STAC: variants seen among roughly 807,000 people sequenced by gnomAD.
The protein encoded by STAC is SH3 and cysteine-rich domain-containing protein.
STAC carries 43 observed loss-of-function variants against 48.8 expected under a neutral mutation model. That is an observed-to-expected ratio of 0.88 (90% CI 0.69 to 1.14). STAC has a LOEUF of 1.14. Among genes scored for constraint, STAC ranks in the 50% most tolerant of loss-of-function variants. The pLI is 0.00. For synonymous variants in STAC, 193 were observed against 179.5 expected (o/e 1.07, Z -0.60); for missense variants, 497 against 504.0 (o/e 0.99, Z 0.13).
chr3:36,541,763 A>G (rs1021794388), intron 10 of STAC, among the ~76,000 whole-genome samples: 1 of 152,194 alleles, frequency 6.6e-6, no homozygotes, highest in African/African-American at 2.4e-5. Flanking sequence ...GGAGCTGGCC[A>G]TAGCTGAGCT....
At chr3:36,533,983 A>T (rs916495831) in intron 10 of STAC, among the ~76,000 whole-genome samples, 1 of 152,182 alleles carries the variant, frequency 6.6e-6, no homozygotes, top group Non-Finnish European at 1.5e-5. Context: ...TCAATTTTTT[A>T]AATACATCAG....
intron 5 of STAC, among the ~76,000 whole-genome samples, chr3:36,487,040 C>G (rs938350407): frequency 6.6e-6 from 1 of 152,220 alleles, no homozygotes; most frequent in Non-Finnish European, 1.5e-5. Flanking sequence ...AGGCAAGACA[C>G]AGATGAGCCT....
chr3:36,437,520 G>A (rs548477300), intron 1 of STAC, among the ~76,000 whole-genome samples: 8 of 150,132 alleles, frequency 5.3e-5, no homozygotes, highest in South Asian at 4.2e-4. Flanking sequence ...GTAAACTACC[G>A]CAAGGACAAA....
At chr3:36,536,167 G>A (rs1247859976) in intron 10 of STAC, among the ~76,000 whole-genome samples, 3 of 151,876 alleles carry the variant, frequency 2.0e-5, no homozygotes, top group African/African-American at 4.8e-5. Flanking sequence ...GTCTATTCAG[G>A]GATTCAACTT....
intron 2 of STAC, among the ~76,000 whole-genome samples, chr3:36,465,238 T>C (rs1407152137): frequency 2.0e-5 from 3 of 152,262 alleles, no homozygotes; most frequent in Admixed American, 2.0e-4. Flanking sequence ...TTTCATATGT[T>C]TGTTGGCCAT....
intron 2 of STAC, among the ~76,000 whole-genome samples, chr3:36,468,750 A>ATATGTATATATATATAAAATACATATATG (rs1285415295): frequency 6.9e-6 from 1 of 145,526 alleles, no homozygotes; most frequent in Non-Finnish European, 1.5e-5. Context: ...AAATACATAT[A>ATATGTATATATATATAAAATACATATATG]TGTGTGTGTG....
In STAC at chr3:36,546,640, C is replaced by T; in HGVS notation, c.*351C>T. The stretch of plus-strand genomic sequence containing the variant: ...ACACACTGGAGTGTGCTCCAGTTTG[C>T]AGGGTAGCCCAGTGCAAGGTTCAGA... On this transcript the variant is annotated 3_prime_UTR_variant, in exon 11 of 11. Transcript: ENST00000273183. 1 of 308,152 alleles carries T rather than the reference C, an allele frequency of 3.2e-6. No homozygotes were observed. Among genetic ancestry groups the T allele is most frequent in the Admixed American group, 4.3e-5 (1 of 23,244 alleles). 19.1% of individuals were successfully genotyped at this position (308,152 alleles called of 1,614,324 possible). A position where few individuals can be genotyped will look rare whatever the true frequency, so the allele number is the denominator to read the frequency against.
intron 1 of STAC, among the ~76,000 whole-genome samples, chr3:36,402,855 G>T (rs959709988): frequency 2.0e-5 from 3 of 151,808 alleles, no homozygotes; most frequent in Admixed American, 2.0e-4. Flanking sequence ...TGGATTCAGG[G>T]GAATTATCTA....
chr3:36,438,647 G>A (rs968554973), intron 1 of STAC, among the ~76,000 whole-genome samples: 19 of 152,160 alleles, frequency 1.2e-4, no homozygotes, highest in Admixed American at 3.9e-4. Context: ...GGCAGGGTCC[G>A]ATGGCTTCAT....
chr3:36,475,888 C>T (rs944476482), intron 2 of STAC, among the ~76,000 whole-genome samples: 1 of 152,224 alleles, frequency 6.6e-6, no homozygotes, highest in Non-Finnish European at 1.5e-5. Flanking sequence ...TCTGATGGAA[C>T]AGTATCTGGC....
chr3:36,417,711 T>C (rs1700351453), intron 1 of STAC, among the ~76,000 whole-genome samples: 1 of 152,202 alleles, frequency 6.6e-6, no homozygotes, highest in Admixed American at 6.5e-5. Context: ...AGCAAGGGAA[T>C]AGTATAGGTT....
In STAC at chr3:36,508,037, G is replaced by T. The variant is rs569763652; in HGVS notation, c.920+2203G>T. Among the ~76,000 whole-genome samples the T allele has an allele frequency of 2.6e-5, 4 of 152,190 alleles. No homozygotes were observed. The South Asian group carries it at 8.3e-4, about 32-fold the overall frequency. Reference sequence around the variant, plus strand: ...AGGGTATCGATTTTAGATCTTTCTTGCTTTCTCCTGTGGGCATTTAGTGCT... The same window carrying T: ...AGGGTATCGATTTTAGATCTTTCTTTCTTTCTCCTGTGGGCATTTAGTGCT... On this transcript the variant is annotated intron_variant, in intron 8 of 10. Coordinates refer to ENST00000273183, the MANE Select transcript of STAC (RefSeq NM_003149.3).
At chr3:36,395,212 A>G (rs967922723) in intron 1 of STAC, among the ~76,000 whole-genome samples, 1 of 152,170 alleles carries the variant, frequency 6.6e-6, no homozygotes, top group Non-Finnish European at 1.5e-5. Context: ...ACAGACAAGA[A>G]AGTTGAAGAG....
intron 7 of STAC, 47 bp downstream of exon 7, chr3:36,504,504 T>C (rs770476454): frequency 2.1e-5 from 33 of 1,565,384 alleles, no homozygotes; most frequent in Non-Finnish European, 2.6e-5. Context: ...AGTCCTTAGA[T>C]AGACCTGCAG....
chr3:36,394,811 C>T (rs1286101957), intron 1 of STAC, among the ~76,000 whole-genome samples: 1 of 151,684 alleles, frequency 6.6e-6, no homozygotes, highest in East Asian at 1.9e-4. Flanking sequence ...GCAGGAGAAT[C>T]GCTTGAACCT....
chr3:36,513,600 C>T (rs1298594943), intron 8 of STAC, among the ~76,000 whole-genome samples: 1 of 152,080 alleles, frequency 6.6e-6, no homozygotes, highest in East Asian at 1.9e-4. Flanking sequence ...CAGAATGATT[C>T]ACATCCCTTC....
chr3:36,496,693 G>A (rs1045821299), intron 6 of STAC, among the ~76,000 whole-genome samples: 2 of 152,162 alleles, frequency 1.3e-5, no homozygotes, highest in African/African-American at 4.8e-5. Context: ...ATACATGGAG[G>A]AAATTGTTGG....
At chr3:36,476,505 A>C (rs1697498069) in intron 2 of STAC, among the ~76,000 whole-genome samples, 1 of 152,198 alleles carries the variant, frequency 6.6e-6, no homozygotes, top group Non-Finnish European at 1.5e-5. Flanking sequence ...GATAAAGCAA[A>C]GGAGGAACCC....
intron 1 of STAC, among the ~76,000 whole-genome samples, chr3:36,413,201 C>G (rs895499087): frequency 1.3e-5 from 2 of 152,162 alleles, no homozygotes; most frequent in African/African-American, 4.8e-5. Flanking sequence ...CCACTTGGTG[C>G]AGAGCTGAGT....
Sources: allele counts gnomAD v4.1 joint callset (sites outside exome capture counted in the v4.1 genomes callset), GRCh38; gene constraint gnomAD v4.1.1; transcripts MANE v1.5; gene names NCBI Gene and HGNC (gene_info 2026-07-23, HGNC 2026-07-21).